Variants in SYN3 observed in about 807,000 individuals in gnomAD.
SYN3 encodes synapsin III.
In SYN3, 35 loss-of-function variants were observed where a neutral mutation model predicts 65.8. The ratio of observed to expected loss-of-function variants is 0.53; its 90% CI spans 0.41 to 0.70. The LOEUF (loss-of-function observed/expected upper bound fraction) is 0.70. Ranked by LOEUF, SYN3 falls within the 30% of genes least tolerant of loss-of-function variation. The probability of loss-of-function intolerance (pLI) is 0.00; values close to 1 mark genes in which losing one functional copy is unlikely to be tolerated. For synonymous variants in SYN3, 270 were observed against 292.9 expected, an observed-to-expected ratio of 0.92 and a Z score of 0.80; for missense variants, 680 against 749.0, an observed-to-expected ratio of 0.91 and a Z score of 1.08.
rs920511654 is a variant in SYN3, at chr22:32,916,264, A to G, written c.461+15126T>C. On this transcript the variant is annotated intron_variant, in intron 4 of 13. Coordinates refer to ENST00000358763, the MANE Select transcript of SYN3 (RefSeq NM_003490.4). ...ACTGCATGGAGCAGAAGAACCACCC[A>G]GCTAAGCCCTGCCCAAATTCCTGGC... 5.8e-4 allele frequency among the ~76,000 whole-genome samples: 88 copies of G among 152,262 alleles called. 1 individual carries two copies. Among genetic ancestry groups the G allele is most frequent in the African/African-American group, 2.1e-3 (86 of 41,474 alleles).
chr22:32,869,360 C>CTCTCTCTCTCTCTCTCTG (rs2048781555), intron 4 of SYN3, among the ~76,000 whole-genome samples: 1 of 150,352 alleles, frequency 6.7e-6, no homozygotes, highest in African/African-American at 2.4e-5. Flanking sequence ...CTCTCTCTCT[C>CTCTCTCTCTCTCTCTCTG]TCTCTCTCAC....
At chr22:32,810,866 A>C (rs940758106) in intron 6 of SYN3, among the ~76,000 whole-genome samples, 32 of 152,198 alleles carry the variant, frequency 2.1e-4, no homozygotes, top group African/African-American at 7.7e-4. Context: ...AGACTTTATC[A>C]TCATGAATAA....
intron 6 of SYN3, among the ~76,000 whole-genome samples, chr22:32,767,886 A>G (rs1483038193): frequency 6.6e-6 from 1 of 152,148 alleles, no homozygotes; most frequent in Non-Finnish European, 1.5e-5. Context: ...AATATAATCT[A>G]TGTGTTAACT....
intron 3 of SYN3, chr22:32,947,440 G>C (rs912383441): frequency 1.3e-5 from 2 of 152,202 alleles, no homozygotes; most frequent in African/African-American, 4.8e-5. Flanking sequence ...TTTTACAGAT[G>C]AATGGATACC....
intron 1 of SYN3, among the ~76,000 whole-genome samples, chr22:33,033,787 T>G (rs1270926298): frequency 6.6e-6 from 1 of 152,056 alleles, no homozygotes; most frequent in African/African-American, 2.4e-5. Flanking sequence ...ACGGGGAGAC[T>G]AGGTGCAGAC....
intron 6 of SYN3, among the ~76,000 whole-genome samples, chr22:32,752,651 G>C (rs763039832): frequency 6.6e-6 from 1 of 152,148 alleles, no homozygotes; most frequent in Admixed American, 6.5e-5. Context: ...CACCACCCCA[G>C]AAGGGCATCC....
At chr22:32,981,007 A>T (rs2052355923) in intron 2 of SYN3, among the ~76,000 whole-genome samples, 1 of 151,802 alleles carries the variant, frequency 6.6e-6, no homozygotes, top group South Asian at 2.1e-4. Context: ...GGTGCCTGCC[A>T]TCACATCCGG....
At chr22:32,965,856 G>A (rs1357439432) in intron 3 of SYN3, among the ~76,000 whole-genome samples, 4 of 152,014 alleles carry the variant, frequency 2.6e-5, no homozygotes, top group African/African-American at 4.8e-5. Flanking sequence ...CACCACACCC[G>A]GCTAATTTTT....
intron 6 of SYN3, among the ~76,000 whole-genome samples, chr22:32,626,559 G>A (rs936945277): frequency 2.0e-5 from 3 of 152,114 alleles, no homozygotes; most frequent in Non-Finnish European, 2.9e-5. Context: ...GAAGGAAGGC[G>A]GGAAAGGAAT....
chr22:32,899,571 C>T (rs2049701570), intron 4 of SYN3, among the ~76,000 whole-genome samples: 1 of 152,172 alleles, frequency 6.6e-6, no homozygotes, highest in East Asian at 1.9e-4. Context: ...ATGGCTTTAT[C>T]TAGAGCATTT....
intron 6 of SYN3, among the ~76,000 whole-genome samples, chr22:32,677,589 G>A (rs1486648624): frequency 2.0e-5 from 3 of 152,156 alleles, no homozygotes; most frequent in African/African-American, 7.2e-5. Flanking sequence ...ATGAGGTCAG[G>A]AGATCGAGAT....
intron 7 of SYN3, among the ~76,000 whole-genome samples, chr22:32,558,179 C>T (rs887247042): frequency 6.6e-6 from 1 of 152,192 alleles, no homozygotes; most frequent in Non-Finnish European, 1.5e-5. Flanking sequence ...CCCTCTCCTT[C>T]CTGGAGCAAG....
rs73162057 is a variant in SYN3 at position 33,005,880 on chromosome 22, A to T, written c.311+472T>A. ...CTGCCAGACGTATTTCAGATATTAAAAGTTTTCCATTTTTAGGAAGGTAAT... is the reference window on the plus strand; with the variant it reads ...CTGCCAGACGTATTTCAGATATTAATAGTTTTCCATTTTTAGGAAGGTAAT... On this transcript the variant is annotated intron_variant, in intron 2 of 13. Transcript: ENST00000358763. Among the ~76,000 whole-genome samples, 564 of 152,308 alleles carry T rather than the reference A, an allele frequency of 3.7e-3. 5 individuals are homozygous for T. Among genetic ancestry groups the T allele is most frequent in the Non-Finnish European group, 5.2e-3 (353 of 68,026 alleles).
rs77522789 is a variant in SYN3 at position 32,638,955 on chromosome 22, T to C, written c.712-42219A>G. On this transcript the variant is annotated intron_variant, in intron 6 of 13. Coordinates refer to ENST00000358763, the MANE Select transcript of SYN3 (RefSeq NM_003490.4). Reference sequence around the variant, plus strand: ...GGATCATATAGTTTGAGGTCTTACATTGAAATCTTTTTTTTTGAGACAGAG... The same window carrying C: ...GGATCATATAGTTTGAGGTCTTACACTGAAATCTTTTTTTTTGAGACAGAG... Among the ~76,000 whole-genome samples, 237 of 152,170 alleles carry C rather than the reference T, an allele frequency of 1.6e-3. 3 individuals carry two copies. In the East Asian group the frequency reaches 0.039, roughly 25 times the overall value.
chr22:33,047,573 G>A (rs916159445), intron 1 of SYN3, among the ~76,000 whole-genome samples: 1 of 152,094 alleles, frequency 6.6e-6, no homozygotes, highest in Admixed American at 6.6e-5. Context: ...AAAACTGGCA[G>A]GAGGTGCCAG....
chr22:32,697,671 T>G (rs1237241491), intron 6 of SYN3, among the ~76,000 whole-genome samples: 1 of 152,170 alleles, frequency 6.6e-6, no homozygotes, highest in Non-Finnish European at 1.5e-5. Context: ...TCACTGAGGG[T>G]CAGCTGGGGA....
At chr22:32,628,377 G>T (rs1264818951) in intron 6 of SYN3, among the ~76,000 whole-genome samples, 3 of 152,184 alleles carry the variant, frequency 2.0e-5, no homozygotes, top group Non-Finnish European at 4.4e-5. Flanking sequence ...GAAGTGAGGG[G>T]AGATGAGGAG....
At chr22:32,530,940 G>A (rs918535793) in intron 10 of SYN3, among the ~76,000 whole-genome samples, 15 of 151,624 alleles carry the variant, frequency 9.9e-5, no homozygotes, top group African/African-American at 1.5e-4. Context: ...TGGGAGTGTC[G>A]GAGGTTGCAG....
At chr22:32,848,674 T>A (rs1403931693) in intron 6 of SYN3, among the ~76,000 whole-genome samples, 1 of 152,262 alleles carries the variant, frequency 6.6e-6, no homozygotes, top group African/African-American at 2.4e-5. Context: ...TTTGTCATCT[T>A]GACTAATCCC....
Sources: gnomAD v4.1 joint callset for allele counts (sites outside exome capture counted in the v4.1 genomes callset) on GRCh38, gnomAD v4.1.1 for gene constraint, MANE v1.5 for transcripts, NCBI Gene and HGNC (gene_info 2026-07-23, HGNC 2026-07-21) for gene names.